Variants in FBN2 observed in about 807,000 individuals in gnomAD.
The protein encoded by FBN2 is fibrillin-2.
A neutral mutation model predicts 355.6 loss-of-function variants in FBN2; 105 were observed. The ratio of observed to expected loss-of-function variants is 0.30; its 90% CI spans 0.25 to 0.35. The LOEUF (loss-of-function observed/expected upper bound fraction) is 0.35. FBN2 is among the 10% of genes least tolerant of loss of function. The pLI is 1.00. For missense variants in FBN2, 3,280 were observed against 3,758.7 expected (o/e 0.87, Z 3.33); for synonymous variants, 1,350 against 1,301.2 (o/e 1.04, Z -0.81).
Position 128,351,017 on chromosome 5 carries a change from C to T in FBN2, c.2675-12G>A. 2 of 1,614,154 alleles carry T rather than the reference C, an allele frequency of 1.2e-6. No homozygotes were observed. Among genetic ancestry groups the T allele is most frequent in the Non-Finnish European group, 1.7e-6 (2 of 1,180,002 alleles). On this transcript the variant is annotated splice_polypyrimidine_tract_variant and intron_variant, in intron 20 of 64. Transcript: ENST00000262464. ...CCCCTTCAGGCTGTCTGAAAAGGAA[C>T]AGGAAAGGTTGGGGAGCTCTTACCT...
At chr5:128,364,343 G>A (rs560928413) in intron 18 of FBN2, among the ~76,000 whole-genome samples, 1 of 151,978 alleles carries the variant, frequency 6.6e-6, no homozygotes, top group Admixed American at 6.5e-5. Flanking sequence ...GGTATATGCA[G>A]GAAAACAATA....
At chr5:128,529,794 G>A (rs1236042640) in intron 3 of FBN2, among the ~76,000 whole-genome samples, 2 of 152,158 alleles carry the variant, frequency 1.3e-5, no homozygotes, top group African/African-American at 2.4e-5. Flanking sequence ...AATTTGAATG[G>A]TAGGTTTTAA....
intron 5 of FBN2, among the ~76,000 whole-genome samples, chr5:128,492,733 G>A (rs1253320813): frequency 1.3e-5 from 2 of 148,434 alleles, no homozygotes; most frequent in East Asian, 4.0e-4. Flanking sequence ...AACCTGGGAG[G>A]CAGAGGCTGT....
At chr5:128,307,648 T>C (rs1749920879) in intron 41 of FBN2, among the ~76,000 whole-genome samples, 1 of 150,376 alleles carries the variant, frequency 6.6e-6, no homozygotes, top group Non-Finnish European at 1.5e-5. Context: ...AAACAATGTA[T>C]AATGAATGAG....
chr5:128,479,908 C>G (rs1365305754), intron 5 of FBN2, among the ~76,000 whole-genome samples: 1 of 141,950 alleles, frequency 7.0e-6, no homozygotes, highest in African/African-American at 2.6e-5. Context: ...GCCTGGGCAA[C>G]AGAACAAGAC....
intron 5 of FBN2, among the ~76,000 whole-genome samples, chr5:128,501,618 T>C (rs1755819287): frequency 6.6e-6 from 1 of 152,158 alleles, no homozygotes. Flanking sequence ...TTCTTTGTAT[T>C]ACAAAGCTAT....
chr5:128,286,671 T>G, intron 55 of FBN2, 47 bp downstream of exon 55: 1 of 1,611,048 alleles, frequency 6.2e-7, no homozygotes, highest in African/African-American at 1.3e-5. Flanking sequence ...TTAATGAGGC[T>G]GGGAGTGGAG....
rs775492838 is a variant in FBN2, at chr5:128,377,825, C to T, written c.1776G>A (p.Val592=). ...NGVLCKNGRC[V]NTDGSFQCIC... is the part of the protein sequence containing the mutation. ...TGCACTGGAAACTTCCATCTGTGTT[C>T]ACGCATCGACCGTTTTTACAAAGAA... The change falls in exon 13 of 65, where the codon GTG becomes GTA. Residue 592 remains valine, a synonymous_variant. Transcript: ENST00000262464. 34 of 1,613,534 alleles carry T rather than the reference C, an allele frequency of 2.1e-5. No homozygotes were observed. Among genetic ancestry groups the T allele is most frequent in the Non-Finnish European group, 2.9e-5 (34 of 1,179,590 alleles).
Position 128,334,759 on chromosome 5 carries a change from C to A in FBN2, c.4059G>T (p.Gln1353His). The A allele has an allele frequency of 1.2e-6, 2 of 1,614,060 alleles. No individual in the cohort carries two copies. Among genetic ancestry groups the A allele is most frequent in the Non-Finnish European group, 1.7e-6 (2 of 1,179,900 alleles). ...TCCCCTTCTTCACTGAGTAACCCAG[C>A]TGACAGTGGCAAATGAAGGATCCCT... Reference protein sequence around the residue: ...NTKGSFICHCQLGYSVKKGTT... With the variant: ...NTKGSFICHCHLGYSVKKGTT... The change falls in exon 31 of 65, where the codon CAG becomes CAT. Residue 1353 changes from glutamine to histidine, a missense_variant. Transcript: ENST00000262464.
At chr5:128,298,393 G>C (rs1415211474) in intron 48 of FBN2, among the ~76,000 whole-genome samples, 7 of 152,128 alleles carry the variant, frequency 4.6e-5, no homozygotes, top group Admixed American at 2.6e-4. Context: ...TGCCTTGCTA[G>C]ATTGGGGAAG....
intron 6 of FBN2, among the ~76,000 whole-genome samples, chr5:128,450,643 G>C (rs1004193646): frequency 2.0e-5 from 3 of 151,658 alleles, no homozygotes; most frequent in Non-Finnish European, 4.4e-5. Context: ...TTAAAAAGAA[G>C]AGCAAATTAA....
intron 5 of FBN2, among the ~76,000 whole-genome samples, chr5:128,494,250 C>T (rs1004125832): frequency 6.6e-6 from 1 of 152,136 alleles, no homozygotes; most frequent in African/African-American, 2.4e-5. Flanking sequence ...GAAGAAAGAC[C>T]TCTGAAACTC....
chr5:128,377,962 A>G (rs899691180), intron 12 of FBN2, 85 bp from the exon 13 acceptor site: 128 of 1,337,520 alleles, frequency 9.6e-5, no homozygotes, highest in Non-Finnish European at 1.3e-4. Flanking sequence ...AATTTTAAAT[A>G]TTCAAAATCA....
At chr5:128,500,157 A>AT (rs1755765767) in intron 5 of FBN2, among the ~76,000 whole-genome samples, 1 of 152,066 alleles carries the variant, frequency 6.6e-6, no homozygotes, top group East Asian at 1.9e-4. Flanking sequence ...TTTAAATGTG[A>AT]TAAAAAAAAT....
chr5:128,516,288 G>C (rs985888372), intron 5 of FBN2, among the ~76,000 whole-genome samples: 5 of 151,838 alleles, frequency 3.3e-5, no homozygotes, highest in Non-Finnish European at 7.4e-5. Flanking sequence ...TTTGGAAAGA[G>C]ATACATAAAC....
chr5:128,282,746 T>G (rs1581186217), intron 55 of FBN2, among the ~76,000 whole-genome samples: 2 of 152,268 alleles, frequency 1.3e-5, no homozygotes, highest in Middle Eastern at 3.4e-3. Context: ...GCATTGTACT[T>G]TCTACCCTTT....
intron 49 of FBN2, 144 bp downstream of exon 49, chr5:128,291,385 G>T: frequency 1.1e-6 from 1 of 876,390 alleles, no homozygotes; most frequent in Non-Finnish European, 1.9e-6. Flanking sequence ...CATTGCTTAT[G>T]TTTGAGACCT....
chr5:128,472,482 G>A (rs1488731889), intron 5 of FBN2, among the ~76,000 whole-genome samples: 1 of 152,070 alleles, frequency 6.6e-6, no homozygotes, highest in African/African-American at 2.4e-5. Flanking sequence ...TGTACTTCAA[G>A]CCCCTGAACT....
intron 36 of FBN2, among the ~76,000 whole-genome samples, chr5:128,317,891 G>A (rs2126853414): frequency 6.6e-6 from 1 of 152,304 alleles, no homozygotes; most frequent in East Asian, 1.9e-4. Context: ...GTGGCAACCT[G>A]GGCCACTGCC....
Sources: allele counts gnomAD v4.1 joint callset (sites outside exome capture counted in the v4.1 genomes callset), GRCh38; gene constraint gnomAD v4.1.1; transcripts MANE v1.5; gene names NCBI Gene and HGNC (gene_info 2026-07-23, HGNC 2026-07-21).